The following RASD2 variants were observed in gnomAD, a reference collection of about 807,000 sequenced individuals.
RASD2 encodes the protein RASD family member 2.
In RASD2, 7 loss-of-function variants were observed where a neutral mutation model predicts 15.8. That is an observed-to-expected ratio of 0.44 (90% CI 0.25 to 0.83). The LOEUF (loss-of-function observed/expected upper bound fraction) is 0.83. Among genes scored for constraint, RASD2 ranks in the 40% least tolerant of loss-of-function variants. RASD2 has a pLI of 0.20. For synonymous variants in RASD2, 155 were observed against 153.6 expected, an observed-to-expected ratio of 1.01 and a Z score of -0.07; for missense variants, 274 against 382.8, an observed-to-expected ratio of 0.72 and a Z score of 2.37.
intron 1 of RASD2, among the ~76,000 whole-genome samples, chr22:35,544,997 G>A (rs929170554): frequency 2.6e-5 from 4 of 152,184 alleles, no homozygotes; most frequent in Admixed American, 2.0e-4. Flanking sequence ...AGCAGTTGTC[G>A]TCCTTGTGGC....
In RASD2 at chr22:35,546,980, T is replaced by G. The variant is rs527381599; in HGVS notation, c.171T>G (p.Arg57=). ...QYTPTIEDFH[R]KVYNIRGDMY... ...CACCCACCATCGAGGACTTCCACCG[T>G]AAGGTATACAACATCCGCGGCGACA... is the stretch of plus-strand genomic sequence containing the variant. Residue 57 remains arginine, a synonymous_variant, in exon 2 of 3, where the codon CGT becomes CGG. Transcript: ENST00000216127. The G allele has an allele frequency of 5.6e-6, 9 of 1,614,094 alleles. No homozygotes were observed. The Admixed American group carries it at 1.2e-4, about 21-fold the overall frequency.
the RASD2 span, among the ~76,000 whole-genome samples, chr22:35,534,796 C>T: frequency 1.2e-3 from 178 of 152,278 alleles, no homozygotes; most frequent in African/African-American, 3.9e-3. Context: ...GCTTTAAAGA[C>T]GGCTGCCTCT....
At chr22:35,539,169 G>T (rs1156992280), upstream of RASD2, among the ~76,000 whole-genome samples, 2 of 152,200 alleles carry the variant, frequency 1.3e-5, no homozygotes, top group East Asian at 1.9e-4. Context: ...AAAGTCCCAG[G>T]CCATTTTAGT....
chr22:35,552,645 CTT>C lies in RASD2; in HGVS notation c.*614_*615del, dbSNP rs1934706071. 1.3e-5 allele frequency: 2 copies of C among 153,250 alleles called. No homozygotes were observed. Among genetic ancestry groups the C allele is most frequent in the East Asian group, 1.9e-4 (1 of 5,184 alleles). 9.5% of individuals were successfully genotyped at this position (153,250 alleles called of 1,614,324 possible). On this transcript the variant is annotated 3_prime_UTR_variant, in exon 3 of 3. Transcript: ENST00000216127. ...CACACCTCCTAGACCACGCCCACCA[CTT>C]AGACCACGCCCACCTCCTGACCGCG... is the stretch of plus-strand genomic sequence containing the variant.
chr22:35,544,591 T>G (rs2145870706), intron 1 of RASD2, among the ~76,000 whole-genome samples: 1 of 152,310 alleles, frequency 6.6e-6, no homozygotes, highest in African/African-American at 2.4e-5. Context: ...GCATGGCAGT[T>G]TTGTGGGATA....
Position 35,546,814 on chromosome 22 carries a change from T to G in RASD2, c.5T>G (p.Met2Arg), listed in dbSNP as rs770210823. 2.5e-5 allele frequency: 40 copies of G among 1,613,412 alleles called. No homozygotes were observed. The highest frequency in any genetic ancestry group is 3.3e-5 in the Non-Finnish European group (39 of 1,179,716). ...GCTTTGTTGCAGCCCCGAGCCATGA[T>G]GAAGACTTTGTCCAGCGGGAACTGC... M[M>R]KTLSSGNCTL... The change falls in exon 2 of 3, where the codon ATG (methionine) becomes AGG (arginine). Residue 2 changes from methionine (M) to arginine (R), a missense_variant. Physicochemically the swap from Met to Arg is moderately conservative, Grantham distance 91. Coordinates refer to ENST00000216127, the MANE Select transcript of RASD2 (RefSeq NM_014310.4).
intron 2 of RASD2, among the ~76,000 whole-genome samples, chr22:35,548,842 C>T (rs564622993): frequency 6.6e-6 from 1 of 152,020 alleles, no homozygotes; most frequent in Non-Finnish European, 1.5e-5. Context: ...GCCTCCCCAG[C>T]CACACAGTGG....
At chr22:35,533,072 T>C in the RASD2 span, among the ~76,000 whole-genome samples, 2 of 152,234 alleles carry the variant, frequency 1.3e-5, no homozygotes, top group South Asian at 2.1e-4. Context: ...ACTCCTCATA[T>C]GGTTGCTCAG....
upstream of RASD2, among the ~76,000 whole-genome samples, chr22:35,540,196 C>T (rs978625997): frequency 1.3e-5 from 2 of 152,196 alleles, no homozygotes; most frequent in South Asian, 2.1e-4. Flanking sequence ...CGCTGGAGAC[C>T]CCGGCCGAGT....
chr22:35,548,273 T>C (rs2145874783), intron 2 of RASD2, among the ~76,000 whole-genome samples: 1 of 152,352 alleles, frequency 6.6e-6, no homozygotes, highest in East Asian at 1.9e-4. Flanking sequence ...TTTTATCTCC[T>C]TGTGTCTCAG....
At chr22:35,535,302 C>A in the RASD2 span, among the ~76,000 whole-genome samples, 2 of 151,174 alleles carry the variant, frequency 1.3e-5, no homozygotes, top group African/African-American at 4.9e-5. Context: ...TATTTAGGAG[C>A]CTGAGGTGGG....
At chr22:35,547,335 C>T (rs955262150) in intron 2 of RASD2, among the ~76,000 whole-genome samples, 2 of 152,242 alleles carry the variant, frequency 1.3e-5, no homozygotes, top group African/African-American at 2.4e-5. Context: ...GGAGCTGATA[C>T]CAGCATGCCC....
At chr22:35,533,835 GTGA>G in the RASD2 span, among the ~76,000 whole-genome samples, 4 of 146,804 alleles carry the variant, frequency 2.7e-5, no homozygotes, top group African/African-American at 1.0e-4. Context: ...GATGATGATG[GTGA>G]TGATGGGGAT....
chr22:35,551,961 C>G lies in RASD2; in HGVS notation c.730C>G (p.Leu244Val). The change falls in exon 3 of 3, where the codon CTC (leucine) becomes GTC (valine). Residue 244 changes from leucine (L) to valine (V), a missense_variant. Leu to Val is a conservative substitution (Grantham distance 32). Transcript: ENST00000216127. This position sits in a 1 kb window ranked among gnomAD's most constrained non-coding sequence, Gnocchi z 4.9. ...CCGCCGCCCCAGCGTCAACAGTGAC[C>G]TCAAGTACATCAAGGCCAAGGTCCT... ...FARRPSVNSD[L>V]KYIKAKVLRE... The G allele has an allele frequency of 6.2e-7, 1 of 1,604,598 alleles. No individual in the cohort carries two copies. The highest frequency in any genetic ancestry group is 2.2e-5 in the East Asian group (1 of 44,876).
In RASD2 at chr22:35,553,178, G is replaced by T. The variant is rs1476281049; in HGVS notation, c.*1146G>T. 2.0e-5 allele frequency: 3 copies of T among 152,118 alleles called. No homozygotes were observed. Among genetic ancestry groups the T allele is most frequent in the Admixed American group, 2.0e-4 (3 of 15,260 alleles). The allele number at this position is 152,118 out of a possible 1,614,324, so 9.4% of individuals were successfully genotyped here. A position where few individuals can be genotyped will look rare whatever the true frequency, so the allele number is the denominator to read the frequency against. On this transcript the variant is annotated 3_prime_UTR_variant, in exon 3 of 3. Coordinates refer to ENST00000216127, the MANE Select transcript of RASD2 (RefSeq NM_014310.4). ...CACTGTGTCCTAGGAAACCAAGAGG[G>T]TCCCCAGTCCTGGCCTCTGCCCGCC...
the RASD2 span, among the ~76,000 whole-genome samples, chr22:35,533,550 GTGA>G: frequency 9.4e-5 from 10 of 106,706 alleles, no homozygotes; most frequent in East Asian, 2.9e-4. Context: ...GGTGGTGATG[GTGA>G]TGATGATGAT....
chr22:35,546,682 C>T, intron 1 of RASD2, 119 bp from the exon 2 acceptor site: 1 of 1,360,692 alleles, frequency 7.3e-7, no homozygotes, highest in Non-Finnish European at 9.8e-7. Context: ...AGAACCTCGT[C>T]TGATGTTCCC....
intron 2 of RASD2, among the ~76,000 whole-genome samples, chr22:35,547,780 A>G (rs1934550058): frequency 6.6e-6 from 1 of 152,030 alleles, no homozygotes; most frequent in East Asian, 1.9e-4. Flanking sequence ...ATGCCCGGCT[A>G]ATTTTTTGTA....
In RASD2 at chr22:35,552,180, C is replaced by T; in HGVS notation, c.*148C>T. ...CTGGAGGCCCCCGGGCGCTGGCCTC[C>T]GCACATTCGTCTGCCTTCTCACAGC... On this transcript the variant is annotated 3_prime_UTR_variant, in exon 3 of 3. Coordinates refer to ENST00000216127, the MANE Select transcript of RASD2 (RefSeq NM_014310.4). The T allele has an allele frequency of 1.9e-6, 2 of 1,028,406 alleles. No homozygotes were observed. Among genetic ancestry groups the T allele is most frequent in the Non-Finnish European group, 2.7e-6 (2 of 727,618 alleles). 63.7% of individuals were successfully genotyped at this position (1,028,406 alleles called of 1,614,324 possible). A position where few individuals can be genotyped will look rare whatever the true frequency, so the allele number is the denominator to read the frequency against.
Sources: allele counts gnomAD v4.1 joint callset (sites outside exome capture counted in the v4.1 genomes callset), GRCh38; gene constraint gnomAD v4.1.1; non-coding constraint Gnocchi (gnomAD v3.1); transcripts MANE v1.5; gene names NCBI Gene and HGNC (gene_info 2026-07-23, HGNC 2026-07-21).